Variants in UMODL1 observed in about 807,000 individuals in gnomAD.
The protein encoded by UMODL1 is uromodulin like 1.
UMODL1 carries 128 observed loss-of-function variants against 136.3 expected under a neutral mutation model. That is an observed-to-expected ratio of 0.94 (90% CI 0.81 to 1.09). The LOEUF (loss-of-function observed/expected upper bound fraction) is 1.09. Ranked by LOEUF, UMODL1 falls within the 50% of genes least tolerant of loss-of-function variation. The probability of loss-of-function intolerance (pLI) is 0.00; values close to 1 mark genes in which losing one functional copy is unlikely to be tolerated. For synonymous variants in UMODL1, 721 were observed against 720.0 expected, an observed-to-expected ratio of 1.00 and a Z score of -0.02; for missense variants, 1,766 against 1,725.6, an observed-to-expected ratio of 1.02 and a Z score of -0.41.
chr21:42,138,156 C>T (rs1014753755), intron 22 of UMODL1, among the ~76,000 whole-genome samples: 33 of 152,294 alleles, frequency 2.2e-4, no homozygotes, highest in African/African-American at 7.2e-4. Context: ...CTTGGTGCCT[C>T]GGTTTCATCA....
chr21:42,136,307 T>C (rs1414160829), intron 21 of UMODL1, among the ~76,000 whole-genome samples: 1 of 152,178 alleles, frequency 6.6e-6, no homozygotes, highest in African/African-American at 2.4e-5. Context: ...ACCAACTCCA[T>C]GTAGTTTCAA....
At chr21:42,069,770 A>G (rs1054551527), upstream of UMODL1, among the ~76,000 whole-genome samples, 2 of 152,218 alleles carry the variant, frequency 1.3e-5, no homozygotes, top group Non-Finnish European at 2.9e-5. Flanking sequence ...TTGAGATGAT[A>G]TATACAAGAT....
At chr21:42,140,235 C>T (rs967125081) in intron 22 of UMODL1, among the ~76,000 whole-genome samples, 4 of 152,090 alleles carry the variant, frequency 2.6e-5, no homozygotes, top group Admixed American at 6.5e-5. Flanking sequence ...CCAACATCCC[C>T]GTGAGGTTGT....
At chr21:42,104,233 C>T in intron 9 of UMODL1, 146 bp downstream of exon 9, 3 of 897,554 alleles carry the variant, frequency 3.3e-6, no homozygotes, top group Non-Finnish European at 4.9e-6. Context: ...GAACCAGGGG[C>T]CAGGGCAGTA....
At chr21:42,106,108 C>T (rs1230562075) in intron 9 of UMODL1, among the ~76,000 whole-genome samples, 3 of 151,684 alleles carry the variant, frequency 2.0e-5, no homozygotes, top group South Asian at 2.1e-4. Context: ...CGCCTCAGGC[C>T]GTGCATGGCC....
upstream of UMODL1, among the ~76,000 whole-genome samples, chr21:42,066,893 C>T (rs900285226): frequency 1.6e-4 from 24 of 152,132 alleles, no homozygotes; most frequent in Admixed American, 1.6e-3. Flanking sequence ...TCTGGCTTAA[C>T]GGTTATTCAA....
At chr21:42,120,417 C>T (rs970960780) in intron 15 of UMODL1, 2 of 152,358 alleles carry the variant, frequency 1.3e-5, no homozygotes, top group East Asian at 1.9e-4. Context: ...CTTTAAAAGC[C>T]AAAGAGTTGG....
chr21:42,069,182 A>C (rs147544787), upstream of UMODL1, among the ~76,000 whole-genome samples: 28 of 151,518 alleles, frequency 1.8e-4, no homozygotes, highest in East Asian at 5.2e-3. Context: ...AATATGTATA[A>C]AGGATAACTG....
intron 9 of UMODL1, among the ~76,000 whole-genome samples, chr21:42,104,313 G>A (rs890820842): frequency 3.3e-5 from 5 of 152,212 alleles, no homozygotes; most frequent in Admixed American, 2.0e-4. Context: ...GGGCTGGAAG[G>A]TACCCTCAGG....
At chr21:42,066,724 G>A (rs1386819216), upstream of UMODL1, among the ~76,000 whole-genome samples, 1 of 152,160 alleles carries the variant, frequency 6.6e-6, no homozygotes, top group African/African-American at 2.4e-5. Context: ...TGGGGTCAAC[G>A]GTGTGTGACA....
At chr21:42,091,400 T>G (rs2066490771) in intron 6 of UMODL1, among the ~76,000 whole-genome samples, 1 of 152,106 alleles carries the variant, frequency 6.6e-6, no homozygotes, top group South Asian at 2.1e-4. Context: ...CTGTCCCTGT[T>G]GGGAGTGGGG....
chr21:42,066,810 C>T (rs937664614), upstream of UMODL1, among the ~76,000 whole-genome samples: 2 of 152,218 alleles, frequency 1.3e-5, no homozygotes, highest in Non-Finnish European at 2.9e-5. Context: ...TTAGTTGTAC[C>T]TGTTTGAGTC....
intron 21 of UMODL1, among the ~76,000 whole-genome samples, chr21:42,135,554 C>T (rs551130450): frequency 1.1e-3 from 160 of 152,336 alleles, no homozygotes; most frequent in African/African-American, 3.6e-3. Flanking sequence ...TTCTACTCTG[C>T]ATCCTCAGGG....
intron 14 of UMODL1, among the ~76,000 whole-genome samples, chr21:42,117,056 A>T (rs943029870): frequency 3.9e-5 from 6 of 151,938 alleles, no homozygotes; most frequent in Non-Finnish European, 8.8e-5. Flanking sequence ...AGCCTAGGTG[A>T]CAGAGCAAGA....
At chr21:42,134,588 T>A (rs1231687876) in intron 21 of UMODL1, among the ~76,000 whole-genome samples, 2 of 152,102 alleles carry the variant, frequency 1.3e-5, no homozygotes, top group African/African-American at 4.8e-5. Context: ...GGTTCTTTTT[T>A]AATTTTTTAA....
Position 42,111,005 on chromosome 21 carries a change from C to G in UMODL1, c.1783C>G (p.Pro595Ala), listed in dbSNP as rs1471205607. 1 of 1,612,908 alleles carries G rather than the reference C, an allele frequency of 6.2e-7. No homozygotes were observed. The highest frequency in any genetic ancestry group is 1.3e-5 in the African/African-American group (1 of 75,040). Residue 595 changes from proline (P) to alanine (A), a missense_variant, in exon 11 of 23, where the codon CCT becomes GCT. Coordinates refer to ENST00000408910, the MANE Select transcript of UMODL1 (RefSeq NM_001004416.3). ...CACCTTGTCACCCAGTCCTGGGTAC[C>G]CTCAGGGCACCCCGGCAGCAGGCCA... ...NFTLSPSPGY[P>A]QGTPAAGQAW... is the part of the protein sequence containing the mutation.
rs2066897216 is a variant in UMODL1 at position 42,116,001 on chromosome 21, C to T, written c.2475+16C>T. On this transcript the variant is annotated intron_variant, in intron 14 of 22. Transcript: ENST00000408910. Reference sequence around the variant, plus strand: ...CTTCAGGATGGTGAGTTGGTGATATCAGCCCTTAATTCCTTTCAGGAGGGA... The same window carrying T: ...CTTCAGGATGGTGAGTTGGTGATATTAGCCCTTAATTCCTTTCAGGAGGGA... The T allele has an allele frequency of 3.1e-6, 5 of 1,595,980 alleles. No individual in the cohort carries two copies. Among genetic ancestry groups the T allele is most frequent in the Non-Finnish European group, 4.3e-6 (5 of 1,164,356 alleles).
At chr21:42,064,782 C>T (rs1031655053) in intron 1 of UMODL1, among the ~76,000 whole-genome samples, 1 of 152,164 alleles carries the variant, frequency 6.6e-6, no homozygotes, top group Admixed American at 6.5e-5. Flanking sequence ...TCTCTAACTC[C>T]TGACCTCAGG....
At chr21:42,091,855 G>A (rs2066495813) in intron 6 of UMODL1, among the ~76,000 whole-genome samples, 1 of 152,238 alleles carries the variant, frequency 6.6e-6, no homozygotes, top group Non-Finnish European at 1.5e-5. Context: ...TCACCTCCAG[G>A]TGACACTTAA....
Sources: allele counts gnomAD v4.1 joint callset (sites outside exome capture counted in the v4.1 genomes callset), GRCh38; gene constraint gnomAD v4.1.1; transcripts MANE v1.5; gene names NCBI Gene and HGNC (gene_info 2026-07-23, HGNC 2026-07-21).